PGLYRP4: variants seen among roughly 807,000 people sequenced by gnomAD.
PGLYRP4 encodes peptidoglycan recognition protein 4.
Under a neutral mutation model 41.2 loss-of-function variants are expected in PGLYRP4, and 39 were observed. The observed-to-expected ratio is 0.95, with a 90% CI of 0.73 to 1.24. PGLYRP4 has a LOEUF of 1.24. Among genes scored for constraint, PGLYRP4 ranks in the 50% most tolerant of loss-of-function variants. The pLI, the probability that PGLYRP4 is intolerant of heterozygous loss-of-function variation, is 0.00. For missense variants in PGLYRP4, 467 were observed against 460.7 expected (o/e 1.01, Z -0.13); for synonymous variants, 202 against 186.8 (o/e 1.08, Z -0.66).
At position 153,330,709 on chromosome 1, in the gene PGLYRP4, G is replaced by T; in HGVS notation, c.*58C>A. The T allele has an allele frequency of 6.7e-7, 1 of 1,491,232 alleles. No individual in the cohort carries two copies. The highest frequency in any genetic ancestry group is 9.3e-7 in the Non-Finnish European group (1 of 1,078,256). 92.4% of individuals were successfully genotyped at this position (1,491,232 alleles called of 1,614,324 possible). ...GGTGTTGAGCCAAGCTGGATGGTTA[G>T]GACAGGAGAGACCTGACAGGGGAGG... On this transcript the variant is annotated 3_prime_UTR_variant, in exon 9 of 9. Transcript: ENST00000359650.
At chr1:153,338,208 C>G (rs1326648920) in intron 7 of PGLYRP4, among the ~76,000 whole-genome samples, 1 of 152,204 alleles carries the variant, frequency 6.6e-6, no homozygotes, top group African/African-American at 2.4e-5. Flanking sequence ...ATCAGCCCAC[C>G]CACTTCATCC....
At chr1:153,333,731 T>C (rs1350148120) in intron 8 of PGLYRP4, among the ~76,000 whole-genome samples, 2 of 152,226 alleles carry the variant, frequency 1.3e-5, no homozygotes, top group African/African-American at 4.8e-5. Flanking sequence ...TCAAGTGGGC[T>C]TTATTCCTGG....
In PGLYRP4 at chr1:153,330,725, A is replaced by T. The variant is rs373033630; in HGVS notation, c.*42T>A. On this transcript the variant is annotated 3_prime_UTR_variant, in exon 9 of 9. Coordinates refer to ENST00000359650, the MANE Select transcript of PGLYRP4 (RefSeq NM_020393.4). ...GGATGGTTAGGACAGGAGAGACCTG[A>T]CAGGGGAGGGAAAGCAGTCTCAGAA... The T allele has an allele frequency of 5.5e-5, 87 of 1,570,846 alleles. No homozygotes were observed. The highest frequency in any genetic ancestry group is 1.7e-4 in the Middle Eastern group (1 of 5,852).
At chr1:153,345,610 C>A (rs1412029798) in intron 3 of PGLYRP4, among the ~76,000 whole-genome samples, 1 of 152,200 alleles carries the variant, frequency 6.6e-6, no homozygotes, top group African/African-American at 2.4e-5. Flanking sequence ...CCCATAATGT[C>A]CCCTACTCAT....
intron 8 of PGLYRP4, 65 bp from the exon 9 acceptor site, chr1:153,331,010 C>T: frequency 1.5e-6 from 2 of 1,341,442 alleles, no homozygotes; most frequent in Non-Finnish European, 2.1e-6. Flanking sequence ...GAACATATCC[C>T]CAGAACCCAC....
chr1:153,337,301 T>C lies in PGLYRP4; in HGVS notation c.825-2A>G, dbSNP rs1351795111. On this transcript the variant is annotated splice_acceptor_variant, in intron 7 of 8. Transcript: ENST00000359650. LOFTEE classifies it high-confidence loss of function. ...GCGCCATCCTGGCCCACCAGGAAGC[T>C]AGAGGACCACAAGGGGAGATGGAGA... The C allele has an allele frequency of 1.3e-6, 2 of 1,582,504 alleles. No homozygotes were observed. Among genetic ancestry groups the C allele is most frequent in the East Asian group, 2.2e-5 (1 of 44,578 alleles).
At position 153,347,948 on chromosome 1, in the gene PGLYRP4, G is replaced by C. The variant is rs1367198315; in HGVS notation, c.-16C>G. On this transcript the variant is annotated 5_prime_UTR_variant, in exon 2 of 9. Transcript: ENST00000359650. ...ACGGCAGCATCCCCACGTGGTCCCA[G>C]GACACCAATCTGGAGAGTGTGGATG... 9 of 1,610,706 alleles carry C rather than the reference G, an allele frequency of 5.6e-6. No homozygotes were observed. Among genetic ancestry groups the C allele is most frequent in the Non-Finnish European group, 6.8e-6 (8 of 1,177,206 alleles).
At chr1:153,341,570 C>G in intron 6 of PGLYRP4, 57 bp downstream of exon 6, 1 of 1,480,862 alleles carries the variant, frequency 6.8e-7, no homozygotes, top group Non-Finnish European at 9.2e-7. Context: ...ATGGTATTTG[C>G]GAGTTAGTTG....
At chr1:153,336,176 G>T (rs1044511610) in intron 8 of PGLYRP4, among the ~76,000 whole-genome samples, 1 of 151,722 alleles carries the variant, frequency 6.6e-6, no homozygotes, top group Non-Finnish European at 1.5e-5. Context: ...TTCGAGACAA[G>T]TCTGGCCAAC....
At chr1:153,340,342 C>T (rs748501398) in intron 7 of PGLYRP4, 39 bp downstream of exon 7, 2 of 1,581,366 alleles carry the variant, frequency 1.3e-6, no homozygotes, top group African/African-American at 1.3e-5. Context: ...GTTTCTGCCC[C>T]CAAGGGAAAA....
At chr1:153,340,914 A>G (rs1291670434) in intron 6 of PGLYRP4, among the ~76,000 whole-genome samples, 1 of 152,230 alleles carries the variant, frequency 6.6e-6, no homozygotes, top group African/African-American at 2.4e-5. Flanking sequence ...TCTTCTTTCA[A>G]TCTTGATTAA....
intron 7 of PGLYRP4, 45 bp downstream of exon 7, chr1:153,340,336 C>T: frequency 6.4e-7 from 1 of 1,554,952 alleles, no homozygotes; most frequent in Non-Finnish European, 8.9e-7. Flanking sequence ...GGCTCAGTTT[C>T]TGCCCCCAAG....
intron 8 of PGLYRP4, among the ~76,000 whole-genome samples, chr1:153,332,790 G>A (rs998058814): frequency 1.3e-5 from 2 of 152,092 alleles, no homozygotes; most frequent in East Asian, 1.9e-4. Context: ...TCATTGGGTC[G>A]ATGATAAAAT....
At chr1:153,338,683 T>A (rs187219935) in intron 7 of PGLYRP4, among the ~76,000 whole-genome samples, 1 of 152,288 alleles carries the variant, frequency 6.6e-6, no homozygotes, top group East Asian at 1.9e-4. Context: ...AATTCAGTCC[T>A]TTCCACAGAG....
At chr1:153,336,832 A>C (rs821434) in intron 8 of PGLYRP4, among the ~76,000 whole-genome samples, 129,341 of 152,200 alleles carry the variant, frequency 0.85, 54,984 homozygotes, top group Middle Eastern at 0.87. Flanking sequence ...GCATATAAGG[A>C]AAAGTGTCTC....
intron 8 of PGLYRP4, chr1:153,331,865 G>C (rs1660351438): frequency 6.6e-6 from 1 of 152,294 alleles, no homozygotes. Flanking sequence ...AAAAACATAT[G>C]AAAGTACAAA....
chr1:153,347,156 C>T (rs1661045364), intron 2 of PGLYRP4, among the ~76,000 whole-genome samples: 1 of 152,110 alleles, frequency 6.6e-6, no homozygotes, highest in Non-Finnish European at 1.5e-5. Context: ...TCACTACAAC[C>T]TCTGCCTCCC....
At chr1:153,336,639 C>A (rs986135937) in intron 8 of PGLYRP4, among the ~76,000 whole-genome samples, 3 of 152,086 alleles carry the variant, frequency 2.0e-5, no homozygotes, top group African/African-American at 7.2e-5. Flanking sequence ...ACCATGTACA[C>A]TACTCAGGTG....
intron 8 of PGLYRP4, among the ~76,000 whole-genome samples, chr1:153,335,190 C>T (rs1004045251): frequency 6.7e-6 from 1 of 149,692 alleles, no homozygotes; most frequent in African/African-American, 2.5e-5. Context: ...ACAAAAAAGA[C>T]AAATGGGACT....
Sources: allele counts gnomAD v4.1 joint callset (sites outside exome capture counted in the v4.1 genomes callset), GRCh38; gene constraint gnomAD v4.1.1; transcripts MANE v1.5; gene names NCBI Gene and HGNC (gene_info 2026-07-23, HGNC 2026-07-21).